The following ADAMTS17 variants were observed in gnomAD, a reference collection of about 807,000 sequenced individuals.
ADAMTS17 encodes the protein A disintegrin and metalloproteinase with thrombospondin motifs 17.
Under a neutral mutation model 141.5 loss-of-function variants are expected in ADAMTS17, and 113 were observed. That is an observed-to-expected ratio of 0.80 (90% CI 0.69 to 0.93). The LOEUF (loss-of-function observed/expected upper bound fraction) is 0.93. ADAMTS17 is among the 40% of genes least tolerant of loss of function. The pLI is 0.00. For synonymous variants in ADAMTS17, 768 were observed against 630.6 expected, an observed-to-expected ratio of 1.22 and a Z score of -3.27; for missense variants, 1,659 against 1,517.9, an observed-to-expected ratio of 1.09 and a Z score of -1.54.
At chr15:100,099,108 G>A (rs1028607351) in intron 14 of ADAMTS17, among the ~76,000 whole-genome samples, 7 of 152,198 alleles carry the variant, frequency 4.6e-5, no homozygotes, top group Admixed American at 3.9e-4. Context: ...AAAGAAGGGG[G>A]CTTTTCAGGG....
intron 7 of ADAMTS17, among the ~76,000 whole-genome samples, chr15:100,230,718 T>C (rs2042453824): frequency 6.6e-6 from 1 of 152,216 alleles, no homozygotes; most frequent in African/African-American, 2.4e-5. Context: ...AAAGCATTTA[T>C]TGTTTAAATG....
intron 15 of ADAMTS17, among the ~76,000 whole-genome samples, chr15:100,092,496 T>G (rs2035530087): frequency 6.6e-6 from 1 of 152,204 alleles, no homozygotes; most frequent in Non-Finnish European, 1.5e-5. Context: ...AGATCATTCT[T>G]AACTGAGAAA....
intron 7 of ADAMTS17, among the ~76,000 whole-genome samples, chr15:100,215,194 C>T (rs896928791): frequency 7.9e-5 from 12 of 152,312 alleles, no homozygotes; most frequent in Admixed American, 5.2e-4. Context: ...GACAGACTGG[C>T]GAGGCCAGCA....
Position 100,341,090 on chromosome 15 carries a change from G to A in ADAMTS17, c.399C>T (p.Gly133=), listed in dbSNP as rs2141997260. 4 of 1,518,202 alleles carry A rather than the reference G, an allele frequency of 2.6e-6. No homozygotes were observed. The East Asian group carries it at 7.6e-5, about 29-fold the overall frequency. The allele number at this position is 1,518,202 out of a possible 1,614,324, so 94.0% of individuals were successfully genotyped here. A position where few individuals can be genotyped will look rare whatever the true frequency, so the allele number is the denominator to read the frequency against. Reference sequence around the variant, plus strand: ...TGAGCGAGACGAGGGAGCCGGGGTGGCCGAGCACACGGCCCGAGTAGAAGC... The same window carrying A: ...TGAGCGAGACGAGGGAGCCGGGGTGACCGAGCACACGGCCCGAGTAGAAGC... ...ELCFYSGRVL[G]HPGSLVSLSA... The change falls in exon 2 of 22, where the codon GGC becomes GGT. Residue 133 remains glycine, a synonymous_variant. Transcript: ENST00000268070.
intron 3 of ADAMTS17, among the ~76,000 whole-genome samples, chr15:100,311,244 C>G (rs549987322): frequency 2.0e-5 from 3 of 152,318 alleles, no homozygotes; most frequent in South Asian, 2.1e-4. Flanking sequence ...GCCGCTGATT[C>G]AAAAATCAGA....
At chr15:100,220,379 C>CT (rs1223886978) in intron 7 of ADAMTS17, among the ~76,000 whole-genome samples, 71 of 152,232 alleles carry the variant, frequency 4.7e-4, no homozygotes, top group African/African-American at 1.6e-3. Context: ...TTCTTTCCCC[C>CT]GAACGCTTCA....
At chr15:100,003,567 T>C (rs1343464173) in intron 18 of ADAMTS17, among the ~76,000 whole-genome samples, 1 of 151,998 alleles carries the variant, frequency 6.6e-6, no homozygotes, top group Admixed American at 6.6e-5. Context: ...AAAAACGGTA[T>C]GGTAAGATGT....
At chr15:99,975,398 A>T (rs2573654) in intron 21 of ADAMTS17, among the ~76,000 whole-genome samples, 9 of 151,936 alleles carry the variant, frequency 5.9e-5, no homozygotes, top group East Asian at 2.0e-4. Flanking sequence ...TTAGTAGAGA[A>T]GGGGTTTCAC....
intron 15 of ADAMTS17, among the ~76,000 whole-genome samples, chr15:100,069,328 T>C (rs1431673696): frequency 1.3e-5 from 2 of 152,180 alleles, no homozygotes; most frequent in African/African-American, 2.4e-5. Context: ...TGCAGGATAT[T>C]ATACAGGAGA....
At chr15:100,013,931 A>G (rs374646774) in intron 18 of ADAMTS17, among the ~76,000 whole-genome samples, 26 of 152,096 alleles carry the variant, frequency 1.7e-4, no homozygotes, top group African/African-American at 5.8e-4. Context: ...TTCTTTCTCT[A>G]TTTTGTGGAA....
rs28453083 is a variant in ADAMTS17, at chr15:100,111,913, G to C, written c.1889-2797C>G. On this transcript the variant is annotated intron_variant, in intron 13 of 21. Coordinates refer to ENST00000268070, the MANE Select transcript of ADAMTS17 (RefSeq NM_139057.4). ...ACGCCCCGCCTCTTGGCTCCAGCCT[G>C]CTTCTTTTTCCATCATCGCAATTTC... 2.2e-3 allele frequency among the ~76,000 whole-genome samples: 340 copies of C among 152,332 alleles called. 2 individuals carry two copies. The highest frequency in any genetic ancestry group is 8.0e-3 in the African/African-American group (334 of 41,582).
chr15:100,146,137 C>T (rs753047415), intron 10 of ADAMTS17, among the ~76,000 whole-genome samples: 4 of 152,216 alleles, frequency 2.6e-5, no homozygotes, highest in Non-Finnish European at 5.9e-5. Context: ...CGAGCTACTG[C>T]ACTGCAGCCT....
At chr15:100,176,037 C>A (rs1455065014) in intron 8 of ADAMTS17, among the ~76,000 whole-genome samples, 1 of 152,232 alleles carries the variant, frequency 6.6e-6, no homozygotes, top group Admixed American at 6.5e-5. Flanking sequence ...CCAGGCCCTG[C>A]TGCCCAGGCC....
chr15:100,153,311 G>A (rs1019626577), intron 9 of ADAMTS17, among the ~76,000 whole-genome samples: 3 of 152,094 alleles, frequency 2.0e-5, no homozygotes, highest in African/African-American at 4.8e-5. Context: ...ACTGGGGTGG[G>A]AGCATTCATT....
intron 3 of ADAMTS17, among the ~76,000 whole-genome samples, chr15:100,298,226 T>C (rs1486234715): frequency 5.3e-5 from 8 of 151,558 alleles, no homozygotes; most frequent in South Asian, 2.1e-4. Context: ...TGAGAAAAAA[T>C]TGAAACATAA....
At chr15:100,311,291 C>T (rs976910067) in intron 3 of ADAMTS17, among the ~76,000 whole-genome samples, 3 of 152,282 alleles carry the variant, frequency 2.0e-5, no homozygotes, top group Middle Eastern at 3.4e-3. Flanking sequence ...TCTCTCTCCA[C>T]CCCCACCGCC....
At chr15:100,270,286 G>A (rs2037979190) in intron 4 of ADAMTS17, among the ~76,000 whole-genome samples, 1 of 152,162 alleles carries the variant, frequency 6.6e-6, no homozygotes, top group Non-Finnish European at 1.5e-5. Flanking sequence ...TTTTAACCAT[G>A]CTTGTTTTAT....
At chr15:100,009,329 T>A (rs2061109919) in intron 18 of ADAMTS17, among the ~76,000 whole-genome samples, 1 of 152,134 alleles carries the variant, frequency 6.6e-6, no homozygotes, top group African/African-American at 2.4e-5. Context: ...GCTTTCTTTT[T>A]TTATTCATAT....
chr15:100,327,215 A>G (rs4965638), intron 3 of ADAMTS17, among the ~76,000 whole-genome samples: 1 of 152,216 alleles, frequency 6.6e-6, no homozygotes, highest in African/African-American at 2.4e-5. Context: ...TACACGTATT[A>G]TACGTGCAAA....
Sources: gnomAD v4.1 joint callset for allele counts (sites outside exome capture counted in the v4.1 genomes callset) on GRCh38, gnomAD v4.1.1 for gene constraint, MANE v1.5 for transcripts, NCBI Gene and HGNC (gene_info 2026-07-23, HGNC 2026-07-21) for gene names.